The following VRK2 variants were observed in gnomAD, a reference collection of about 807,000 sequenced individuals.
The protein encoded by VRK2 is VRK serine/threonine kinase 2.
A neutral mutation model predicts 57.6 loss-of-function variants in VRK2; 60 were observed. The ratio of observed to expected loss-of-function variants is 1.04; its 90% CI spans 0.85 to 1.29. VRK2 has a LOEUF of 1.29. Ranked by LOEUF, VRK2 falls within the 50% of genes most tolerant of loss-of-function variation. VRK2 has a pLI of 0.00. For missense variants in VRK2, 705 were observed against 588.1 expected (o/e 1.20, Z -2.06); for synonymous variants, 231 against 199.2 (o/e 1.16, Z -1.35).
At chr2:58,101,043 T>C (rs771443036) in intron 7 of VRK2, among the ~76,000 whole-genome samples, 1 of 151,680 alleles carries the variant, frequency 6.6e-6, no homozygotes, top group Non-Finnish European at 1.5e-5. Flanking sequence ...TATCTGAATA[T>C]GGGCTACTAG....
At chr2:58,066,550 T>C (rs1668637074) in intron 2 of VRK2, among the ~76,000 whole-genome samples, 1 of 152,164 alleles carries the variant, frequency 6.6e-6, no homozygotes, top group East Asian at 1.9e-4. Context: ...CCCTACCATC[T>C]TTGTCTAATT....
At chr2:58,051,548 G>A (rs868153056) in intron 2 of VRK2, among the ~76,000 whole-genome samples, 26 of 152,316 alleles carry the variant, frequency 1.7e-4, no homozygotes, top group African/African-American at 6.3e-4. Context: ...AAGAGAAGAA[G>A]CAGTAAAATT....
At chr2:58,062,061 A>G (rs1277600459) in intron 2 of VRK2, among the ~76,000 whole-genome samples, 1 of 151,908 alleles carries the variant, frequency 6.6e-6, no homozygotes, top group African/African-American at 2.4e-5. Context: ...TATTAGTGCT[A>G]TTTTTCCAGC....
At chr2:58,008,949 C>T (rs1414992183) in intron 1 of VRK2, among the ~76,000 whole-genome samples, 2 of 152,078 alleles carry the variant, frequency 1.3e-5, no homozygotes, top group African/African-American at 4.8e-5. Flanking sequence ...GTTGCTGCAT[C>T]CCACAGAGAA....
intron 2 of VRK2, among the ~76,000 whole-genome samples, chr2:58,060,001 A>G (rs987942084): frequency 6.6e-6 from 1 of 151,864 alleles, no homozygotes; most frequent in African/African-American, 2.4e-5. Context: ...ATCATGTATT[A>G]CAGTTCTATC....
chr2:57,933,386 C>G (rs1394798661), intron 1 of VRK2, among the ~76,000 whole-genome samples: 1 of 136,498 alleles, frequency 7.3e-6, no homozygotes, highest in African/African-American at 2.8e-5. Context: ...AATCTCGGCT[C>G]ACCACAACCT....
chr2:58,140,206 C>T (rs1681124010), intron 11 of VRK2, among the ~76,000 whole-genome samples: 1 of 152,026 alleles, frequency 6.6e-6, no homozygotes, highest in Non-Finnish European at 1.5e-5. Context: ...TTGGTGATAA[C>T]AGTCTTCGAT....
chr2:58,089,869 A>C, intron 7 of VRK2, 146 bp downstream of exon 7: 1 of 602,280 alleles, frequency 1.7e-6, no homozygotes, highest in Non-Finnish European at 3.0e-6. Context: ...TATCTAATTT[A>C]ATCTTTGTAC....
chr2:57,917,388 G>A lies in VRK2; in HGVS notation c.-439+9549G>A, dbSNP rs191740244. 1.2e-3 allele frequency among the ~76,000 whole-genome samples: 186 copies of A among 151,756 alleles called. 1 individual carries two copies. The highest frequency in any genetic ancestry group is 2.0e-3 in the Non-Finnish European group (134 of 67,912). On this transcript the variant is annotated intron_variant, in intron 1 of 15. Transcript: ENST00000417641. ...AATTCAGATGACCCAAATTGAAGAC[G>A]AGTCTTTCATAGAGTGACCTGAGAT...
chr2:58,124,912 A>C (rs983433630), intron 8 of VRK2, among the ~76,000 whole-genome samples: 21 of 152,174 alleles, frequency 1.4e-4, no homozygotes, highest in African/African-American at 5.1e-4. Flanking sequence ...GTGATTTTTC[A>C]GTATTCATAT....
intron 10 of VRK2, among the ~76,000 whole-genome samples, chr2:58,139,155 C>G (rs1052892751): frequency 1.3e-5 from 2 of 152,082 alleles, no homozygotes; most frequent in Non-Finnish European, 2.9e-5. Context: ...TAAATTCAAT[C>G]TTAGCTAACA....
intron 1 of VRK2, among the ~76,000 whole-genome samples, chr2:57,931,703 G>A (rs958897695): frequency 1.3e-5 from 2 of 151,938 alleles, no homozygotes; most frequent in African/African-American, 2.4e-5. Context: ...TCGATGTCAT[G>A]GACATTTTCT....
chr2:57,996,827 CTAGAT>C (rs1672938734), intron 1 of VRK2, among the ~76,000 whole-genome samples: 1 of 151,922 alleles, frequency 6.6e-6, no homozygotes, highest in South Asian at 2.1e-4. Context: ...TAAATTATCT[CTAGAT>C]TATTTATAAT....
chr2:57,970,085 T>C (rs1672046690), intron 1 of VRK2, among the ~76,000 whole-genome samples: 2 of 150,516 alleles, frequency 1.3e-5, no homozygotes, highest in Non-Finnish European at 3.0e-5. Flanking sequence ...GCATATAAAA[T>C]GTATATATAT....
chr2:58,033,857 CCT>C (rs1389032423), intron 3 of VRK2, among the ~76,000 whole-genome samples: 1 of 151,892 alleles, frequency 6.6e-6, no homozygotes, highest in African/African-American at 2.4e-5. Flanking sequence ...CTGTGCTTTC[CCT>C]GTCTTGTTTT....
chr2:58,110,649 G>T (rs2104408029), intron 7 of VRK2, among the ~76,000 whole-genome samples: 1 of 152,280 alleles, frequency 6.6e-6, no homozygotes, highest in South Asian at 2.1e-4. Context: ...GAGGGCAAGG[G>T]CTTTTTGGAG....
At position 57,957,716 on chromosome 2, in the gene VRK2, G is replaced by C. The variant is rs558799188; in HGVS notation, c.-439+49877G>C. Among the ~76,000 whole-genome samples, 73 of 151,148 alleles carry C rather than the reference G, an allele frequency of 4.8e-4. 2 individuals carry two copies. Among genetic ancestry groups the C allele is most frequent in the African/African-American group, 1.7e-3 (71 of 41,296 alleles). ...TGTTTGCCTCTTACCAACTGAAATA[G>C]TGAATTTAGCTCCAAATCATGCAGG... On this transcript the variant is annotated intron_variant, in intron 1 of 15. Coordinates refer to the VRK2 transcript ENST00000417641.
chr2:57,968,629 G>A (rs1225639481), intron 1 of VRK2, among the ~76,000 whole-genome samples: 1 of 152,052 alleles, frequency 6.6e-6, no homozygotes, highest in East Asian at 1.9e-4. Context: ...GATGTTATCA[G>A]AGAATATACC....
Position 57,970,268 on chromosome 2 carries a change from A to G in VRK2, c.-438-55397A>G, listed in dbSNP as rs947517814. 1.1e-4 allele frequency among the ~76,000 whole-genome samples: 16 copies of G among 150,728 alleles called. 1 individual carries two copies. Among genetic ancestry groups the G allele is most frequent in the African/African-American group, 3.4e-4 (14 of 41,338 alleles). On this transcript the variant is annotated intron_variant, in intron 1 of 15. Coordinates refer to the VRK2 transcript ENST00000417641. Reference sequence around the variant, plus strand: ...TAAAAAAAGTTCATTATATGAGACTATTGTATGTTTTCCCCAAGTCAGAAT... The same window carrying G: ...TAAAAAAAGTTCATTATATGAGACTGTTGTATGTTTTCCCCAAGTCAGAAT...
Sources: gnomAD v4.1 joint callset for allele counts (sites outside exome capture counted in the v4.1 genomes callset) on GRCh38, gnomAD v4.1.1 for gene constraint, MANE v1.5 for transcripts, NCBI Gene and HGNC (gene_info 2026-07-23, HGNC 2026-07-21) for gene names.